The following SGK1 variants were observed in gnomAD, a reference collection of about 807,000 sequenced individuals.
SGK1 encodes serine/threonine-protein kinase Sgk1.
Under a neutral mutation model 64.2 loss-of-function variants are expected in SGK1, and 26 were observed. That is an observed-to-expected ratio of 0.40 (90% CI 0.30 to 0.56). The LOEUF (loss-of-function observed/expected upper bound fraction) is 0.56, where lower values mean the gene tolerates loss of function less well. Ranked by LOEUF, SGK1 falls within the 20% of genes least tolerant of loss-of-function variation. SGK1 has a pLI of 0.38. For missense variants in SGK1, 519 were observed against 645.6 expected (o/e 0.80, Z 2.12); for synonymous variants, 265 against 239.7 (o/e 1.11, Z -0.98).
intron 3 of SGK1, among the ~76,000 whole-genome samples, chr6:134,184,017 C>A (rs561073281): frequency 6.6e-6 from 1 of 152,188 alleles, no homozygotes; most frequent in South Asian, 2.1e-4. Flanking sequence ...GCTGCCTGCC[C>A]CTCTGACCTC....
intron 3 of SGK1, among the ~76,000 whole-genome samples, chr6:134,183,485 A>T (rs192802678): frequency 6.6e-6 from 1 of 152,320 alleles, no homozygotes; most frequent in Admixed American, 6.5e-5. Flanking sequence ...TCTAACAAGG[A>T]TGTCATGATG....
intron 1 of SGK1, among the ~76,000 whole-genome samples, chr6:134,283,873 C>CAA (rs35999916): frequency 0.015 from 385 of 26,206 alleles, 50 homozygotes; most frequent in East Asian, 0.06. Context: ...CTGCCACCAC[C>CAA]AAAAAAAAAA....
intron 8 of SGK1, 86 bp from the exon 9 acceptor site, chr6:134,172,860 G>C: frequency 8.3e-7 from 1 of 1,205,910 alleles, no homozygotes. Context: ...ACTGCAGGAA[G>C]TGGCCCCAAG....
intron 3 of SGK1, among the ~76,000 whole-genome samples, chr6:134,188,908 C>CTTTT (rs34316759): frequency 3.8e-4 from 42 of 110,096 alleles, no homozygotes; most frequent in African/African-American, 9.0e-4. Flanking sequence ...ATTTCTTTTT[C>CTTTT]TTTTTTTTTT....
At chr6:134,243,460 C>G (rs1309494675) in intron 2 of SGK1, among the ~76,000 whole-genome samples, 1 of 152,132 alleles carries the variant, frequency 6.6e-6, no homozygotes, top group African/African-American at 2.4e-5. Context: ...ACCTCCGCCT[C>G]CTGGGTTCAA....
chr6:134,217,560 A>G (rs926984033), intron 2 of SGK1, among the ~76,000 whole-genome samples: 3 of 152,132 alleles, frequency 2.0e-5, no homozygotes, highest in Admixed American at 6.5e-5. Flanking sequence ...ACCGGTCAAG[A>G]TGGAATGTGG....
intron 1 of SGK1, among the ~76,000 whole-genome samples, chr6:134,270,440 T>A (rs1776921859): frequency 6.7e-6 from 1 of 148,160 alleles, no homozygotes. Flanking sequence ...AGGAATCTCT[T>A]GATTGCTTTT....
intron 7 of SGK1, 42 bp from the exon 8 acceptor site, chr6:134,173,196 T>C: frequency 6.2e-7 from 1 of 1,610,222 alleles, no homozygotes; most frequent in East Asian, 2.2e-5. Context: ...TGTTTCAACT[T>C]GGCACCAACA....
intron 1 of SGK1, chr6:134,298,154 A>G: frequency 7.7e-7 from 1 of 1,302,134 alleles, no homozygotes; most frequent in Non-Finnish European, 1.1e-6. Flanking sequence ...TTCATTCTCC[A>G]TCTCTGTAAG....
chr6:134,232,253 C>T (rs1318781064), intron 2 of SGK1, among the ~76,000 whole-genome samples: 1 of 149,872 alleles, frequency 6.7e-6, no homozygotes, highest in Non-Finnish European at 1.5e-5. Context: ...GGCATGGTGG[C>T]AAGTGCCTGT....
chr6:134,275,199 T>G (rs1242143000), intron 1 of SGK1, among the ~76,000 whole-genome samples: 1 of 152,178 alleles, frequency 6.6e-6, no homozygotes, highest in Non-Finnish European at 1.5e-5. Context: ...TAAAATAATT[T>G]GTTATTTAAA....
chr6:134,174,922 C>T (rs960964336), intron 3 of SGK1: 20 of 1,532,670 alleles, frequency 1.3e-5, no homozygotes, highest in South Asian at 1.1e-4. Context: ...GCGGGGCCTG[C>T]GCGACAGTGA....
intron 1 of SGK1, among the ~76,000 whole-genome samples, chr6:134,279,444 A>T (rs1777062652): frequency 6.6e-6 from 1 of 151,804 alleles, no homozygotes; most frequent in South Asian, 2.1e-4. Context: ...ATAAATAAAT[A>T]AATAAATAAA....
At chr6:134,279,261 G>A (rs982530425) in intron 1 of SGK1, among the ~76,000 whole-genome samples, 6 of 152,062 alleles carry the variant, frequency 3.9e-5, no homozygotes, top group East Asian at 3.9e-4. Context: ...GTGAAACCCC[G>A]TCTTTATTAA....
At chr6:134,170,471 C>T (rs766214620) in intron 13 of SGK1, 36 bp from the exon 14 acceptor site, 7 of 1,586,708 alleles carry the variant, frequency 4.4e-6, no homozygotes, top group East Asian at 4.5e-5. Flanking sequence ...TTGTCAAGAA[C>T]TCACACTAGA....
intron 1 of SGK1, among the ~76,000 whole-genome samples, chr6:134,315,127 AAAC>A (rs1384134323): frequency 3.3e-5 from 5 of 152,156 alleles, no homozygotes; most frequent in Admixed American, 3.3e-4. Context: ...GTTTAACTAA[AAAC>A]AAACAAACAA....
intron 2 of SGK1, among the ~76,000 whole-genome samples, chr6:134,219,161 G>C (rs1776038382): frequency 6.6e-6 from 1 of 151,790 alleles, no homozygotes; most frequent in Non-Finnish European, 1.5e-5. Flanking sequence ...TTTCTTTTCT[G>C]TTCTGGTTTT....
At chr6:134,294,083 G>A (rs1197477130) in intron 1 of SGK1, among the ~76,000 whole-genome samples, 1 of 152,176 alleles carries the variant, frequency 6.6e-6, no homozygotes, top group East Asian at 1.9e-4. Flanking sequence ...CTCAGGTCCT[G>A]AGCAAAAACA....
Position 134,171,139 on chromosome 6 carries a change from TGTC to T in SGK1, c.1204_1206del (p.Asp402del). On this transcript the variant is annotated inframe_deletion, in exon 12 of 14. Transcript: ENST00000367858. ...AGCTGGAGAGGCTTGTTCAGAATGT[TGTC>T]GTACATTTCAGCTGTGTTTCGGCTA... The T allele has an allele frequency of 6.2e-7, 1 of 1,614,190 alleles. No individual in the cohort carries two copies. Among genetic ancestry groups the T allele is most frequent in the Non-Finnish European group, 8.5e-7 (1 of 1,180,038 alleles).
Sources: allele counts gnomAD v4.1 joint callset (sites outside exome capture counted in the v4.1 genomes callset), GRCh38; gene constraint gnomAD v4.1.1; transcripts MANE v1.5; gene names NCBI Gene and HGNC (gene_info 2026-07-23, HGNC 2026-07-21).